CENPF: variants seen among roughly 807,000 people sequenced by gnomAD.
CENPF encodes the protein AH antigen.
Under a neutral mutation model 307.3 loss-of-function variants are expected in CENPF, and 214 were observed. That is an observed-to-expected ratio of 0.70 (90% confidence interval 0.62 to 0.78). CENPF has a LOEUF of 0.78. CENPF is among the 30% of genes least tolerant of loss of function. The pLI, the probability that CENPF is intolerant of heterozygous loss-of-function variation, is 0.00. For missense variants in CENPF, 3,401 were observed against 3,483.9 expected, an observed-to-expected ratio of 0.98 and a Z score of 0.60; for synonymous variants, 1,259 against 1,270.6, an observed-to-expected ratio of 0.99 and a Z score of 0.19.
At chr1:214,653,163 A>G (rs1354227487) in intron 16 of CENPF, 174 bp downstream of exon 16, 4 of 650,348 alleles carry the variant, frequency 6.2e-6, no homozygotes, top group Non-Finnish European at 1.1e-5. Context: ...TCAGTGGGTC[A>G]TCTACAGTCT....
intron 1 of CENPF, chr1:214,612,944 G>T (rs1228419816): frequency 1.7e-5 from 4 of 229,272 alleles, no homozygotes; most frequent in Non-Finnish European, 2.6e-5. Context: ...AGGGCCTATG[G>T]TTTTTCTTTT....
intron 19 of CENPF, among the ~76,000 whole-genome samples, chr1:214,661,335 C>G (rs1658781551): frequency 6.6e-6 from 1 of 152,156 alleles, no homozygotes; most frequent in Admixed American, 6.5e-5. Flanking sequence ...TTTAATTCAG[C>G]ATTTTCTGAG....
chr1:214,622,271 C>A lies in CENPF; in HGVS notation c.1058C>A (p.Ala353Glu). Residue 353 changes from alanine (A) to glutamate (E), a missense_variant, in exon 7 of 20, where the codon GCG (alanine) becomes GAG (glutamate). Transcript: ENST00000366955. ...LVRTTAQYDQ[A>E]STKYTALEQK... ...AGAACAACAGCACAATACGACCAGG[C>A]GTCAACCAAGGTACTTGACTTTTCG... 1 of 1,608,290 alleles carries A rather than the reference C, an allele frequency of 6.2e-7. No homozygotes were observed. The highest frequency in any genetic ancestry group is 1.1e-5 in the South Asian group (1 of 89,260).
At chr1:214,617,480 G>A (rs1174470054) in intron 3 of CENPF, among the ~76,000 whole-genome samples, 1 of 152,180 alleles carries the variant, frequency 6.6e-6, no homozygotes, top group Non-Finnish European at 1.5e-5. Flanking sequence ...AGAGTTGGAA[G>A]AATTGAGCCC....
intron 2 of CENPF, among the ~76,000 whole-genome samples, 165 bp downstream of exon 2, chr1:214,614,081 A>G (rs866077304): frequency 1.9e-5 from 1 of 51,844 alleles, no homozygotes; most frequent in South Asian, 9.1e-4. Context: ...CCCCTCCCCC[A>G]CCCCCACCCC....
At chr1:214,615,950 A>G (rs916532075) in intron 3 of CENPF, among the ~76,000 whole-genome samples, 4 of 152,036 alleles carry the variant, frequency 2.6e-5, no homozygotes, top group Admixed American at 2.6e-4. Flanking sequence ...CTAGTAGACT[A>G]CAAAAACTAC....
Position 214,620,711 on chromosome 1 carries a change from T to G in CENPF, c.630T>G (p.His210Gln), listed in dbSNP as rs1657480521. The change falls in exon 6 of 20, where the codon CAT (histidine) becomes CAG (glutamine). Residue 210 changes from histidine to glutamine, a missense_variant. Coordinates refer to ENST00000366955, the MANE Select transcript of CENPF (RefSeq NM_016343.4). ...ATMNHRDIAR[H>Q]QASSSVFSWQ... ...TGAATCACCGCGACATTGCCCGGCA[T>G]CAGGCTTCATCATCTGTGTTCTCAT... 1.2e-6 allele frequency: 2 copies of G among 1,614,048 alleles called. No individual in the cohort carries two copies. Among genetic ancestry groups the G allele is most frequent in the Admixed American group, 3.3e-5 (2 of 60,002 alleles).
chr1:214,663,770 C>A lies in CENPF; in HGVS notation c.9321C>A (p.Gly3107=). The A allele has an allele frequency of 6.2e-7, 1 of 1,613,990 alleles. No homozygotes were observed. The highest frequency in any genetic ancestry group is 2.2e-5 in the East Asian group (1 of 44,868). Residue 3107 remains glycine, a synonymous_variant, in exon 20 of 20, where the codon GGC becomes GGA. Transcript: ENST00000366955. ...CCAAAGCTGGACTGGAGTCCAACGGCAGTGAGAACTGTAAGGTCCAGTGAA... is the reference window on the plus strand; with the variant it reads ...CCAAAGCTGGACTGGAGTCCAACGGAAGTGAGAACTGTAAGGTCCAGTGAA... ...PSPKAGLESN[G]SENCKVQ
rs1019179232 is a variant in CENPF, at chr1:214,648,775, A to G, written c.7931A>G (p.Asn2644Ser). Residue 2644 changes from asparagine to serine, a missense_variant, in exon 14 of 20, where the codon AAT becomes AGT. Asn to Ser is a conservative substitution (Grantham distance 46). Transcript: ENST00000366955. ...CAAGAAGAACTCAGTGGAGAGAAAA[A>G]TAGGCTAGCTGGAGAGTTGCAGTTA... ...ELQEELSGEK[N>S]RLAGELQLLL... 2 of 1,613,980 alleles carry G rather than the reference A, an allele frequency of 1.2e-6. No individual in the cohort carries two copies. The highest frequency in any genetic ancestry group is 1.7e-6 in the Non-Finnish European group (2 of 1,179,966).
rs936966784 is a variant in CENPF at position 214,603,263 on chromosome 1, C to T, written c.-100C>T. ...GAATTAGACTCTGGGCTCCAGCCCG[C>T]CGAAGCCGCGCCAGAACTGTACTCT... On this transcript the variant is annotated 5_prime_UTR_variant, in exon 1 of 20. Transcript: ENST00000366955. 6.6e-6 allele frequency: 1 copy of T among 152,344 alleles called. No homozygotes were observed. The highest frequency in any genetic ancestry group is 2.4e-5 in the African/African-American group (1 of 41,458). The allele number at this position is 152,344 out of a possible 1,614,324, so 9.4% of individuals were successfully genotyped here. A position where few individuals can be genotyped will look rare whatever the true frequency, so the allele number is the denominator to read the frequency against.
At chr1:214,624,776 C>T (rs376849127) in intron 7 of CENPF, among the ~76,000 whole-genome samples, 88 of 151,460 alleles carry the variant, frequency 5.8e-4, no homozygotes, top group African/African-American at 1.9e-3. Context: ...TTATATTGCT[C>T]AAAAAAATGT....
intron 9 of CENPF, among the ~76,000 whole-genome samples, chr1:214,631,402 G>A (rs549393138): frequency 3.3e-5 from 5 of 152,192 alleles, no homozygotes; most frequent in Non-Finnish European, 7.3e-5. Context: ...TTGTGTATGT[G>A]TGCTGATGTT....
rs1266541271 is a variant in CENPF at position 214,644,820 on chromosome 1, A to T, written c.5250A>T (p.Ser1750=). 5 of 1,613,910 alleles carry T rather than the reference A, an allele frequency of 3.1e-6. No individual in the cohort carries two copies. Among genetic ancestry groups the T allele is most frequent in the Admixed American group, 1.7e-5 (1 of 59,972 alleles). ...QGSSECISEL[S]FSGPNALVPM... ...CTTCAGAATGCATTTCTGAATTGTCATTTTCTGGTCCTAATGCTTTGGTAC... is the reference window on the plus strand; with the variant it reads ...CTTCAGAATGCATTTCTGAATTGTCTTTTTCTGGTCCTAATGCTTTGGTAC... The change falls in exon 13 of 20, where the codon TCA becomes TCT. Residue 1750 remains serine, a synonymous_variant. Coordinates refer to ENST00000366955, the MANE Select transcript of CENPF (RefSeq NM_016343.4).
At chr1:214,621,030 G>T (rs1031306077) in intron 6 of CENPF, 84 bp downstream of exon 6, 11 of 1,327,742 alleles carry the variant, frequency 8.3e-6, no homozygotes, top group Non-Finnish European at 1.1e-5. Context: ...ATCCCATAAA[G>T]TGCTTATGTG....
At chr1:214,620,977 A>G in intron 6 of CENPF, 31 bp downstream of exon 6, 1 of 1,560,442 alleles carries the variant, frequency 6.4e-7, no homozygotes, top group Non-Finnish European at 8.7e-7. Flanking sequence ...GTTTAAATTC[A>G]CTTTGCTTGA....
intron 19 of CENPF, among the ~76,000 whole-genome samples, chr1:214,663,293 A>G (rs535508002): frequency 6.6e-6 from 1 of 152,282 alleles, no homozygotes; most frequent in Non-Finnish European, 1.5e-5. Context: ...AATTCACTGG[A>G]TGTGTACCAT....
intron 15 of CENPF, 97 bp from the exon 16 acceptor site, chr1:214,652,731 C>T: frequency 9.2e-7 from 1 of 1,083,128 alleles, no homozygotes; most frequent in South Asian, 1.7e-5. Context: ...GTGTGAAACA[C>T]TGCGCCCAGC....
chr1:214,631,998 C>T (rs1017928433), intron 9 of CENPF, among the ~76,000 whole-genome samples: 3 of 152,152 alleles, frequency 2.0e-5, no homozygotes, highest in African/African-American at 7.2e-5. Context: ...TCCTTGATTA[C>T]CATTGAAGCT....
chr1:214,607,688 C>T lies in CENPF; in HGVS notation c.-42+4367C>T, dbSNP rs1363522727. On this transcript the variant is annotated intron_variant, in intron 1 of 19. Transcript: ENST00000366955. ...GGTCACCAGAGGCCCACCCGGGTCT[C>T]CTCATCCAAAGCAGCACTGGCCCGG... Among the ~76,000 whole-genome samples the T allele has an allele frequency of 7.9e-5, 12 of 152,198 alleles. No homozygotes were observed. In the East Asian group the frequency reaches 2.3e-3, roughly 29 times the overall value.
Sources: gnomAD v4.1 joint callset for allele counts (sites outside exome capture counted in the v4.1 genomes callset) on GRCh38, gnomAD v4.1.1 for gene constraint, MANE v1.5 for transcripts, NCBI Gene and HGNC (gene_info 2026-07-23, HGNC 2026-07-21) for gene names.